The following PPM1L variants were observed in gnomAD, a reference collection of about 807,000 sequenced individuals.
The protein encoded by PPM1L is protein phosphatase, Mg2+/Mn2+ dependent 1L, also known as protein phosphatase 1L.
In PPM1L, 13 loss-of-function variants were observed where a neutral mutation model predicts 31.4. That is an observed-to-expected ratio of 0.41 (90% CI 0.27 to 0.66). PPM1L has a LOEUF of 0.66. PPM1L is among the 30% of genes least tolerant of loss of function. The pLI, the probability that PPM1L is intolerant of heterozygous loss-of-function variation, is 0.29. For synonymous variants in PPM1L, 184 were observed against 175.4 expected, an observed-to-expected ratio of 1.05 and a Z score of -0.39; for missense variants, 326 against 453.7, an observed-to-expected ratio of 0.72 and a Z score of 2.56.
chr3:160,883,031 A>T (rs1429808332), intron 1 of PPM1L, among the ~76,000 whole-genome samples: 2 of 152,222 alleles, frequency 1.3e-5, no homozygotes, highest in African/African-American at 4.8e-5. Context: ...TTCTACATGC[A>T]CGTAACTCCC....
chr3:160,977,993 A>T (rs1478978285), intron 2 of PPM1L, among the ~76,000 whole-genome samples: 1 of 152,206 alleles, frequency 6.6e-6, no homozygotes, highest in Non-Finnish European at 1.5e-5. Context: ...TAGAGCCTGA[A>T]GCAAAGACTT....
At chr3:160,954,849 G>A (rs1396129855) in intron 1 of PPM1L, among the ~76,000 whole-genome samples, 1 of 27,048 alleles carries the variant, frequency 3.7e-5, no homozygotes, top group Non-Finnish European at 9.3e-5. Flanking sequence ...CTTTGTCTAG[G>A]CCAATGCTAG....
intron 1 of PPM1L, among the ~76,000 whole-genome samples, chr3:160,857,786 T>G (rs921891861): frequency 5.9e-5 from 9 of 152,218 alleles, no homozygotes; most frequent in Non-Finnish European, 1.3e-4. Context: ...GTCCTTCTTG[T>G]GGCTTAAACT....
At chr3:160,795,438 A>T (rs1263246257) in intron 1 of PPM1L, among the ~76,000 whole-genome samples, 2 of 152,142 alleles carry the variant, frequency 1.3e-5, no homozygotes, top group African/African-American at 4.8e-5. Context: ...CTGACTGCAG[A>T]CATTGCCAAG....
chr3:160,918,164 A>G (rs1460083398), intron 1 of PPM1L, among the ~76,000 whole-genome samples: 1 of 152,210 alleles, frequency 6.6e-6, no homozygotes, highest in East Asian at 1.9e-4. Context: ...TAACAACCCC[A>G]TATGGTGATT....
chr3:161,035,850 A>G (rs1718725691), intron 2 of PPM1L: 1 of 152,234 alleles, frequency 6.6e-6, no homozygotes, highest in African/African-American at 2.4e-5. Flanking sequence ...TCAGCATATG[A>G]TTGAACGTAC....
At chr3:161,025,731 G>T (rs1044976956) in intron 2 of PPM1L, among the ~76,000 whole-genome samples, 1 of 152,224 alleles carries the variant, frequency 6.6e-6, no homozygotes, top group East Asian at 1.9e-4. Context: ...ATTAATTTCT[G>T]TTCTTTATAA....
chr3:160,954,924 TTTCC>T (rs796768427), intron 1 of PPM1L, among the ~76,000 whole-genome samples: 5,769 of 85,610 alleles, frequency 0.067, 427 homozygotes, highest in South Asian at 0.2. Context: ...TCCTTCCTTC[TTTCC>T]TTCCTTCCTT....
chr3:160,914,138 G>A (rs988164410), intron 1 of PPM1L, among the ~76,000 whole-genome samples: 11 of 152,122 alleles, frequency 7.2e-5, no homozygotes, highest in African/African-American at 2.7e-4. Flanking sequence ...TAATAGGTGT[G>A]TATTGGTATA....
At chr3:160,849,207 G>A (rs924649498) in intron 1 of PPM1L, among the ~76,000 whole-genome samples, 4 of 151,884 alleles carry the variant, frequency 2.6e-5, no homozygotes, top group African/African-American at 4.8e-5. Flanking sequence ...TTCTTGGTTC[G>A]TGCCTCATAG....
intron 1 of PPM1L, among the ~76,000 whole-genome samples, chr3:160,836,170 G>A (rs1713708530): frequency 6.6e-6 from 1 of 152,144 alleles, no homozygotes; most frequent in African/African-American, 2.4e-5. Context: ...GCTTCTGGAA[G>A]TATTTTTAAG....
intron 2 of PPM1L, among the ~76,000 whole-genome samples, chr3:161,002,837 G>C (rs1251377635): frequency 2.5e-4 from 34 of 136,574 alleles, no homozygotes; most frequent in South Asian, 5.3e-4. Flanking sequence ...AAGCTCTTTA[G>C]TTTAATTAGA....
At chr3:160,865,653 T>C (rs192190794) in intron 1 of PPM1L, among the ~76,000 whole-genome samples, 1 of 152,304 alleles carries the variant, frequency 6.6e-6, no homozygotes, top group Non-Finnish European at 1.5e-5. Flanking sequence ...CGTGCGCCTG[T>C]AGTCCCAGCT....
chr3:160,966,388 G>A (rs574668252), intron 2 of PPM1L, among the ~76,000 whole-genome samples: 1 of 152,020 alleles, frequency 6.6e-6, no homozygotes, highest in African/African-American at 2.4e-5. Context: ...CTCACTCTAA[G>A]CATTTTAAAA....
intron 1 of PPM1L, among the ~76,000 whole-genome samples, chr3:160,890,037 T>C (rs1240555881): frequency 6.6e-6 from 1 of 152,192 alleles, no homozygotes; most frequent in Admixed American, 6.5e-5. Flanking sequence ...ACAGCCAATA[T>C]AATATTTAAT....
chr3:160,946,810 G>A (rs1235965962), intron 1 of PPM1L, among the ~76,000 whole-genome samples: 1 of 152,126 alleles, frequency 6.6e-6, no homozygotes, highest in Non-Finnish European at 1.5e-5. Context: ...ATTCCACTGA[G>A]TTTTGGGGCA....
intron 2 of PPM1L, among the ~76,000 whole-genome samples, chr3:161,032,664 G>C (rs1718605587): frequency 6.6e-6 from 1 of 150,730 alleles, no homozygotes; most frequent in Non-Finnish European, 1.5e-5. Flanking sequence ...GAACAAATAT[G>C]AGTACAGTGC....
intron 1 of PPM1L, among the ~76,000 whole-genome samples, chr3:160,809,846 A>G (rs1424831710): frequency 6.6e-6 from 1 of 152,098 alleles, no homozygotes; most frequent in Non-Finnish European, 1.5e-5. Context: ...TGAAAAAGGC[A>G]AATTTGATCC....
chr3:160,980,464 C>G (rs1241972842), intron 2 of PPM1L, among the ~76,000 whole-genome samples: 1 of 151,836 alleles, frequency 6.6e-6, no homozygotes, highest in African/African-American at 2.4e-5. Context: ...ATTGCTTGAG[C>G]TCAGGAGTTC....
Sources: allele counts gnomAD v4.1 joint callset (sites outside exome capture counted in the v4.1 genomes callset), GRCh38; gene constraint gnomAD v4.1.1; transcripts MANE v1.5; gene names NCBI Gene and HGNC (gene_info 2026-07-23, HGNC 2026-07-21).